The following L1CAM variants were observed in gnomAD, a reference collection of about 807,000 sequenced individuals.
L1CAM encodes L1 cell adhesion molecule, also known as neural cell adhesion molecule L1.
L1CAM carries 8 observed loss-of-function variants against 93.0 expected under a neutral mutation model. That is an observed-to-expected ratio of 0.09 (90% CI 0.05 to 0.16). The LOEUF is 0.16. Among genes scored for constraint, L1CAM ranks in the 10% least tolerant of loss-of-function variants. L1CAM has a pLI of 1.00. For missense variants in L1CAM, 777 were observed against 1,073.4 expected (o/e 0.72, Z 3.86); for synonymous variants, 453 against 453.0 (o/e 1.00, Z 0.00).
At chrX:153,867,774 G>T (rs1557091480) in intron 16 of L1CAM, 26 bp downstream of exon 16, 1 of 1,160,777 alleles carries the variant, frequency 8.6e-7, no homozygotes, top group South Asian at 1.8e-5. Context: ...GTGACGGTGG[G>T]GTGGCACTGA....
chrX:153,884,856 C>T (rs1020406877), intron 1 of L1CAM, among the ~76,000 whole-genome samples: 1 of 113,013 alleles, frequency 8.8e-6, no homozygotes, highest in Admixed American at 9.2e-5. Flanking sequence ...GGAAGAAGGG[C>T]GGACTGCACT....
chrX:153,868,279 C>T, intron 14 of L1CAM, 23 bp downstream of exon 14: 1 of 1,211,500 alleles, frequency 8.3e-7, no homozygotes, highest in Non-Finnish European at 1.1e-6. Flanking sequence ...CACTCTGCCC[C>T]CTTTCACCGT....
chrX:153,883,677 GGCCCCCACTCAT>G (rs1297719324), intron 1 of L1CAM: 15 of 315,330 alleles, frequency 4.8e-5, no homozygotes, highest in Middle Eastern at 1.4e-3. Context: ...AGGGAGGCAG[GGCCCCCACTCAT>G]GCCCCCACTC....
At position 153,868,063 on chromosome X, in the gene L1CAM, T is replaced by A; in HGVS notation, c.1763A>T (p.Asn588Ile). The A allele has an allele frequency of 8.3e-7, 1 of 1,210,809 alleles. No homozygotes were observed. Among genetic ancestry groups the A allele is most frequent in the Non-Finnish European group, 1.1e-6 (1 of 895,074 alleles). ...IHSLDYSDQG[N>I]YSCVASTELD... ...TTCGGTACTGGCCACGCAGCTGTAG[T>A]TGCCCTGGTCGCTGTAGTCCAGGCT... Residue 588 changes from asparagine (N) to isoleucine (I), a missense_variant, in exon 15 of 29, where the codon AAC becomes ATC. By Grantham distance (149) the Asn-to-Ile change is moderately radical. Around this residue, in one of 5 missense-constraint regions of L1CAM, gnomAD observed 574 missense variants for 781.0 expected, o/e 0.73. Transcript: ENST00000370060.
intron 1 of L1CAM, chrX:153,885,775 G>A: frequency 1.3e-6 from 1 of 796,225 alleles, no homozygotes; most frequent in Non-Finnish European, 1.5e-6. Context: ...CACAGACCCT[G>A]CCTGACGCCC....
chrX:153,870,677 G>A (rs951768241), intron 7 of L1CAM, 113 bp downstream of exon 7: 8 of 878,181 alleles, frequency 9.1e-6, no homozygotes, highest in Non-Finnish European at 1.7e-6. Flanking sequence ...GTAGAGGTGG[G>A]AGCCAAGCTG....
chrX:153,863,948 A>T lies in L1CAM; in HGVS notation c.3392T>A (p.Ile1131Asn). 8.2e-7 allele frequency: 1 copy of T among 1,212,137 alleles called. No homozygotes were observed. Among genetic ancestry groups the T allele is most frequent in the Non-Finnish European group, 1.1e-6 (1 of 895,491 alleles). Residue 1131 changes from isoleucine to asparagine, a missense_variant, in exon 26 of 29, where the codon ATC becomes AAC. By Grantham distance (149) the Ile-to-Asn change is moderately radical. This residue lies in a region of L1CAM where 110 missense variants were observed against 141.7 expected (regional missense o/e 0.78). Coordinates refer to ENST00000370060, the MANE Select transcript of L1CAM (RefSeq NM_001278116.2). ...GATGAGCAGGACGAGGAGCAGGAGG[A>T]TGATGGCACTCACAAAGCCGATGAA... ...GWFIGFVSAI[I>N]LLLLVLLILC...
intron 5 of L1CAM, among the ~76,000 whole-genome samples, chrX:153,871,801 G>T (rs2148499575): frequency 9.0e-6 from 1 of 110,654 alleles, no homozygotes; most frequent in African/African-American, 3.3e-5. Context: ...GGTGTAGACA[G>T]AGATGACTGC....
intron 1 of L1CAM, among the ~76,000 whole-genome samples, chrX:153,881,584 C>T (rs2148505487): frequency 8.9e-6 from 1 of 111,905 alleles, no homozygotes; most frequent in South Asian, 3.8e-4. Context: ...CCCCCAAGTC[C>T]CCCATCCAGG....
intron 5 of L1CAM, 70 bp downstream of exon 5, chrX:153,872,082 G>A (rs1488141774): frequency 2.7e-5 from 26 of 947,561 alleles, no homozygotes; most frequent in Non-Finnish European, 3.6e-5. Context: ...CTGGCTGACA[G>A]CAGCTTCCAG....
rs782437851 is a variant in L1CAM at position 153,876,666 on chromosome X, C to T, written c.-108-722G>A. Among the ~76,000 whole-genome samples the T allele has an allele frequency of 1.4e-4, 16 of 112,436 alleles. 1 individual carries two copies. In the South Asian group the frequency reaches 3.3e-3, roughly 23 times the overall value. On this transcript the variant is annotated intron_variant, in intron 1 of 28. Coordinates refer to ENST00000370060, the MANE Select transcript of L1CAM (RefSeq NM_001278116.2). Reference sequence around the variant, plus strand: ...GGAGGAAAGGGGCCCAAGATGGCAGCATTTCACAAAATAGTTTCAGGAAAA... The same window carrying T: ...GGAGGAAAGGGGCCCAAGATGGCAGTATTTCACAAAATAGTTTCAGGAAAA...
intron 1 of L1CAM, 37 bp downstream of exon 1, chrX:153,886,028 G>T: frequency 2.4e-6 from 1 of 424,833 alleles, no homozygotes; most frequent in Non-Finnish European, 2.6e-6. Context: ...GATCGCGGCC[G>T]CGGCCCGGGT....
Position 153,870,108 on chromosome X carries a change from C to T in L1CAM, c.939G>A (p.Leu313=). The T allele has an allele frequency of 3.3e-6, 4 of 1,211,928 alleles. No individual in the cohort carries two copies. Among genetic ancestry groups the T allele is most frequent in the Non-Finnish European group, 4.5e-6 (4 of 895,498 alleles). Residue 313 remains leucine, a synonymous_variant, in exon 9 of 29, where the codon CTG becomes CTA. Transcript: ENST00000370060. The part of the protein sequence containing the change: ...GEEDDGEYRC[L]AENSLGSARH... ...GGGCACTGCCCAGTGAGTTCTCGGC[C>T]AGGCAGCGGTACTCGCCATCATCCT...
At chrX:153,879,181 G>A (rs1200690069) in intron 1 of L1CAM, among the ~76,000 whole-genome samples, 1 of 110,645 alleles carries the variant, frequency 9.0e-6, no homozygotes, top group Non-Finnish European at 1.9e-5. Context: ...TGGAGCCAAG[G>A]CCGGGTCTGC....
intron 1 of L1CAM, chrX:153,884,146 A>G (rs2064863674): frequency 2.3e-6 from 2 of 864,500 alleles, no homozygotes; most frequent in Non-Finnish European, 3.1e-6. Flanking sequence ...CCACGAAGAC[A>G]GGGACAATGC....
intron 1 of L1CAM, 74 bp downstream of exon 1, chrX:153,885,991 G>A: frequency 4.6e-6 from 3 of 657,259 alleles, no homozygotes; most frequent in Non-Finnish European, 5.3e-6. Flanking sequence ...CGTGCACCCC[G>A]GGCAGAGCGG....
chrX:153,868,986 G>A (rs199586489), intron 11 of L1CAM, 34 bp from the exon 12 acceptor site: 11 of 1,098,864 alleles, frequency 1.0e-5, no homozygotes, highest in East Asian at 3.0e-5. Context: ...GACAGGGCAG[G>A]ACTTGGGACC....
At position 153,865,465 on chromosome X, in the gene L1CAM, G is replaced by A; in HGVS notation, c.2583C>T (p.His861=). 1.7e-6 allele frequency: 2 copies of A among 1,211,517 alleles called. No individual in the cohort carries two copies. The highest frequency in any genetic ancestry group is 2.2e-6 in the Non-Finnish European group (2 of 895,323). The stretch of plus-strand genomic sequence containing the variant: ...GGTCTTTGTGGATATGTCTCTTGCT[G>A]TGCTTCCTCTGACTGCCCTCCCTCC... The part of the protein sequence containing the change: ...TYWREGSQRK[H]SKRHIHKDHV... Residue 861 remains histidine, a synonymous_variant, in exon 21 of 29, where the codon CAC becomes CAT. Transcript: ENST00000370060.
At chrX:153,885,225 A>G in intron 1 of L1CAM, 1 of 316,634 alleles carries the variant, frequency 3.2e-6, no homozygotes, top group Non-Finnish European at 6.1e-6. Context: ...TGCAGTGCGC[A>G]GGGACCGCCT....
Sources: gnomAD v4.1 joint callset for allele counts (sites outside exome capture counted in the v4.1 genomes callset) on GRCh38, gnomAD v4.1.1 for gene constraint, gnomAD v4.1.1 regional missense constraint, MANE v1.5 for transcripts, NCBI Gene and HGNC (gene_info 2026-07-23, HGNC 2026-07-21) for gene names.